The following CPVL variants were observed in gnomAD, a reference collection of about 807,000 sequenced individuals.
CPVL encodes probable serine carboxypeptidase CPVL.
A neutral mutation model predicts 63.7 loss-of-function variants in CPVL; 51 were observed. That is an observed-to-expected ratio of 0.80 (90% CI 0.64 to 1.01). The LOEUF (loss-of-function observed/expected upper bound fraction) is 1.01, where lower values mean the gene tolerates loss of function less well. CPVL is among the 50% of genes least tolerant of loss of function. The probability of loss-of-function intolerance (pLI) is 0.00; values close to 1 mark genes in which losing one functional copy is unlikely to be tolerated. For synonymous variants in CPVL, 195 were observed against 206.0 expected (o/e 0.95, Z 0.46); for missense variants, 530 against 573.1 (o/e 0.92, Z 0.77).
chr7:29,180,192 A>C (rs963193251), intron 5 of CPVL, among the ~76,000 whole-genome samples: 1 of 152,234 alleles, frequency 6.6e-6, no homozygotes, highest in Non-Finnish European at 1.5e-5. Flanking sequence ...AATATTGTGA[A>C]TCAAATTTAG....
rs549128169 is a variant in CPVL at position 29,076,983 on chromosome 7, G to A, written c.610-4560C>T. ...AATGCAATGTTTGGTTAATTATCCA[G>A]ATGTGTAAAAACACAATGAAATTGG... On this transcript the variant is annotated intron_variant, in intron 7 of 12. Coordinates refer to ENST00000265394, the MANE Select transcript of CPVL (RefSeq NM_031311.5). Among the ~76,000 whole-genome samples the A allele has an allele frequency of 6.3e-4, 96 of 152,326 alleles. 1 individual carries two copies. In the South Asian group the frequency reaches 0.012, roughly 20 times the overall value.
intron 4 of CPVL, among the ~76,000 whole-genome samples, chr7:29,095,604 AAAAAC>A (rs1299338373): frequency 1.3e-5 from 2 of 152,094 alleles, no homozygotes; most frequent in Non-Finnish European, 1.5e-5. Flanking sequence ...AAAAAAAAAA[AAAAAC>A]AAAATGAGAT....
At chr7:29,011,099 T>C (rs1420942524) in intron 12 of CPVL, 1 of 152,238 alleles carries the variant, frequency 6.6e-6, no homozygotes, top group Non-Finnish European at 1.5e-5. Context: ...CTTGATAGTT[T>C]AGCTCATAAA....
At chr7:29,058,178 G>C (rs1016600151) in intron 11 of CPVL, among the ~76,000 whole-genome samples, 1 of 152,076 alleles carries the variant, frequency 6.6e-6, no homozygotes, top group African/African-American at 2.4e-5. Context: ...CCAACTATTA[G>C]TTGTTCTTGA....
chr7:29,003,154 G>GCACACACA (rs535400256), intron 12 of CPVL, among the ~76,000 whole-genome samples: 2,121 of 123,658 alleles, frequency 0.017, 20 homozygotes, highest in South Asian at 0.019. Context: ...ATGTGTATGT[G>GCACACACA]CACACACACA....
Position 29,140,815 on chromosome 7 carries a change from G to A in CPVL, c.-11+5614C>T, listed in dbSNP as rs566058562. 2.3e-4 allele frequency among the ~76,000 whole-genome samples: 35 copies of A among 152,332 alleles called. 1 individual carries two copies. Among genetic ancestry groups the A allele is most frequent in the African/African-American group, 8.2e-4 (34 of 41,578 alleles). ...TAGACAGGCACAACTGTGGGACAAT[G>A]AGGGAAGGCAGAAGATTGATGGGGT... On this transcript the variant is annotated intron_variant, in intron 1 of 12. Transcript: ENST00000265394.
At chr7:29,023,332 T>C (rs769701767) in intron 12 of CPVL, among the ~76,000 whole-genome samples, 6 of 152,174 alleles carry the variant, frequency 3.9e-5, no homozygotes, top group Non-Finnish European at 8.8e-5. Flanking sequence ...GCCCATCTTA[T>C]AGGGCAGCAG....
Position 29,095,123 on chromosome 7 carries a change from G to A in CPVL, c.423C>T (p.Pro141=), listed in dbSNP as rs1443182020. The change falls in exon 5 of 13, where the codon CCC becomes CCT. Residue 141 remains proline (P), a synonymous_variant. Coordinates refer to ENST00000265394, the MANE Select transcript of CPVL (RefSeq NM_031311.5). ...SNMTLRDRDF[P]WTTTLSMLYI... ...AAAGCATGGAGAGCGTTGTGGTCCA[G>A]GGGAAGTCTCTGTCACGCACTGTGA... 6.2e-7 allele frequency: 1 copy of A among 1,613,898 alleles called. No individual in the cohort carries two copies. Among genetic ancestry groups the A allele is most frequent in the East Asian group, 2.2e-5 (1 of 44,870 alleles).
At chr7:29,175,992 C>A (rs747746517) in intron 5 of CPVL, among the ~76,000 whole-genome samples, 1 of 152,098 alleles carries the variant, frequency 6.6e-6, no homozygotes, top group Non-Finnish European at 1.5e-5. Flanking sequence ...CAAGACCATC[C>A]TGACTAACAC....
rs544507343 is a variant in CPVL, at chr7:29,046,251, A to AT, written c.1138-15493dup. Among the ~76,000 whole-genome samples the AT allele has an allele frequency of 7.3e-3, 1,105 of 151,882 alleles. 3 individuals are homozygous for AT. The highest frequency in any genetic ancestry group is 0.012 in the Non-Finnish European group (808 of 67,934). ...AGGCATGCACCACCACACCCGGCTA[A>AT]TTTTTTTGTATTTTTAGTAGACACA... On this transcript the variant is annotated intron_variant, in intron 11 of 12. Transcript: ENST00000265394.
At chr7:29,057,532 T>C (rs317705) in intron 11 of CPVL, among the ~76,000 whole-genome samples, 127,700 of 152,166 alleles carry the variant, frequency 0.84, 54,396 homozygotes, top group African/African-American at 0.96. Context: ...ATTTCTTTCA[T>C]GGATTGTTCC....
At chr7:29,161,467 G>A (rs1297009118) in intron 5 of CPVL, among the ~76,000 whole-genome samples, 10 of 151,874 alleles carry the variant, frequency 6.6e-5, no homozygotes, top group African/African-American at 1.2e-4. Context: ...TACTTATCTC[G>A]AACCCCACAT....
chr7:29,014,123 GA>G (rs1038239805), intron 12 of CPVL, among the ~76,000 whole-genome samples: 12 of 152,178 alleles, frequency 7.9e-5, no homozygotes, highest in Non-Finnish European at 1.5e-4. Flanking sequence ...CTCTGGCTGG[GA>G]GGTGGGGTGT....
chr7:29,049,888 A>G (rs1404062737), intron 11 of CPVL, among the ~76,000 whole-genome samples: 1 of 152,224 alleles, frequency 6.6e-6, no homozygotes, highest in African/African-American at 2.4e-5. Context: ...AATGTGATAC[A>G]CCACATAAAC....
intron 12 of CPVL, among the ~76,000 whole-genome samples, chr7:29,007,049 T>G (rs1385587579): frequency 6.6e-6 from 1 of 152,212 alleles, no homozygotes; most frequent in Non-Finnish European, 1.5e-5. Flanking sequence ...ATTCTCCATG[T>G]GTGGATAATA....
intron 1 of CPVL, among the ~76,000 whole-genome samples, chr7:29,138,980 C>T (rs1791557032): frequency 6.6e-6 from 1 of 152,202 alleles, no homozygotes; most frequent in South Asian, 2.1e-4. Flanking sequence ...ACACACCTAA[C>T]TTTGTGTCAT....
At chr7:29,007,698 T>C (rs181993423) in intron 12 of CPVL, among the ~76,000 whole-genome samples, 3 of 152,238 alleles carry the variant, frequency 2.0e-5, no homozygotes, top group Admixed American at 6.5e-5. Flanking sequence ...CAAGACACTT[T>C]GGTGTGTACA....
chr7:29,187,351 G>A (rs1477578314), intron 1 of CPVL, among the ~76,000 whole-genome samples: 2 of 152,056 alleles, frequency 1.3e-5, no homozygotes, highest in African/African-American at 4.8e-5. Flanking sequence ...GTGTCTGTGT[G>A]TGTGTGTGTG....
intron 12 of CPVL, among the ~76,000 whole-genome samples, chr7:29,014,460 T>C (rs578169166): frequency 7.2e-5 from 11 of 151,894 alleles, no homozygotes; most frequent in African/African-American, 2.7e-4. Context: ...GCTTCCCAAG[T>C]AGCTGGGACT....
Sources: gnomAD v4.1 joint callset for allele counts (sites outside exome capture counted in the v4.1 genomes callset) on GRCh38, gnomAD v4.1.1 for gene constraint, MANE v1.5 for transcripts, NCBI Gene and HGNC (gene_info 2026-07-23, HGNC 2026-07-21) for gene names.